OSBPL9: variants seen among roughly 807,000 people sequenced by gnomAD.
The protein encoded by OSBPL9 is oxysterol-binding protein-related protein 9.
A neutral mutation model predicts 106.6 loss-of-function variants in OSBPL9; 40 were observed. The ratio of observed to expected loss-of-function variants is 0.38; its 90% confidence interval spans 0.29 to 0.49. The LOEUF (loss-of-function observed/expected upper bound fraction) is 0.49. Ranked by LOEUF, OSBPL9 falls within the 20% of genes least tolerant of loss-of-function variation. OSBPL9 has a pLI of 0.97. For missense variants in OSBPL9, 609 were observed against 887.2 expected, an observed-to-expected ratio of 0.69 and a Z score of 3.98; for synonymous variants, 269 against 295.4, an observed-to-expected ratio of 0.91 and a Z score of 0.92.
intron 3 of OSBPL9, among the ~76,000 whole-genome samples, chr1:51,710,224 T>C (rs1343523421): frequency 6.6e-6 from 1 of 152,188 alleles, no homozygotes; most frequent in Non-Finnish European, 1.5e-5. Context: ...GTCCAGATGC[T>C]TATAGGACCT....
the OSBPL9 span, among the ~76,000 whole-genome samples, chr1:51,548,576 G>A: frequency 6.6e-6 from 1 of 151,630 alleles, no homozygotes; most frequent in African/African-American, 2.4e-5. Flanking sequence ...TTTTCGTGGG[G>A]ATGGAGTTCC....
intron 4 of OSBPL9, among the ~76,000 whole-genome samples, chr1:51,734,274 A>G (rs1249412474): frequency 6.6e-6 from 1 of 152,154 alleles, no homozygotes; most frequent in Non-Finnish European, 1.5e-5. Context: ...TTTTCCCAAA[A>G]TGTGCCACTT....
chr1:51,556,828 T>C, the OSBPL9 span, among the ~76,000 whole-genome samples: 3 of 149,426 alleles, frequency 2.0e-5, no homozygotes, highest in Non-Finnish European at 4.4e-5. Context: ...TATATATGTG[T>C]ATATATATAC....
chr1:51,752,499 C>T (rs1020003474), intron 8 of OSBPL9: 2 of 455,916 alleles, frequency 4.4e-6, no homozygotes, highest in African/African-American at 4.0e-5. Flanking sequence ...ACTGTCTACC[C>T]TAGAGTACAA....
chr1:51,696,582 A>G (rs1656060691), intron 3 of OSBPL9, among the ~76,000 whole-genome samples: 1 of 152,200 alleles, frequency 6.6e-6, no homozygotes. Flanking sequence ...CCTCCGTAAT[A>G]TATAACCAGA....
At chr1:51,525,984 C>T in the OSBPL9 span, among the ~76,000 whole-genome samples, 13 of 152,244 alleles carry the variant, frequency 8.5e-5, no homozygotes, top group East Asian at 2.1e-3. Flanking sequence ...TCAGTTGATC[C>T]TCCTACCTCA....
chr1:51,745,541 G>A lies in OSBPL9; in HGVS notation c.324G>A (p.Leu108=), dbSNP rs1204279882. The A allele has an allele frequency of 2.5e-6, 4 of 1,611,056 alleles. No homozygotes were observed. The highest frequency in any genetic ancestry group is 3.4e-6 in the Non-Finnish European group (4 of 1,178,728). ...ILRHTLQLQG[L]DSGFVPSVQD... ...TGCAAATTCTCTTTCTCTAGGGTTT[G>A]GATTCAGGATTTGTTCCTAGTGTCC... Residue 108 remains leucine (L), a synonymous_variant, in exon 5 of 24, where the codon TTG becomes TTA. Coordinates refer to ENST00000428468, the MANE Select transcript of OSBPL9 (RefSeq NM_024586.6).
the OSBPL9 span, among the ~76,000 whole-genome samples, chr1:51,571,458 G>T: frequency 6.6e-6 from 1 of 152,236 alleles, no homozygotes; most frequent in Middle Eastern, 3.4e-3. Flanking sequence ...TTGAGGCCAG[G>T]AGTTTAAGAC....
chr1:51,780,512 A>G (rs1676118185), intron 15 of OSBPL9, among the ~76,000 whole-genome samples: 1 of 152,226 alleles, frequency 6.6e-6, no homozygotes, highest in African/African-American at 2.4e-5. Flanking sequence ...TGGCATATAT[A>G]TACTGTGGAA....
chr1:51,783,092 A>G (rs1676772998), intron 17 of OSBPL9, among the ~76,000 whole-genome samples: 1 of 152,202 alleles, frequency 6.6e-6, no homozygotes, highest in Non-Finnish European at 1.5e-5. Context: ...TACTTGAGTC[A>G]TCTCTAGATT....
At chr1:51,711,942 C>T (rs1660090397) in intron 3 of OSBPL9, among the ~76,000 whole-genome samples, 1 of 151,572 alleles carries the variant, frequency 6.6e-6, no homozygotes, top group Non-Finnish European at 1.5e-5. Context: ...GGCAGCCAGG[C>T]AGAGGGGCTC....
intron 1 of OSBPL9, among the ~76,000 whole-genome samples, chr1:51,580,890 C>A (rs1645216159): frequency 1.3e-5 from 1 of 78,338 alleles, no homozygotes; most frequent in African/African-American, 4.6e-5. Context: ...TCCTTCTAGC[C>A]ATTATATATA....
intron 4 of OSBPL9, chr1:51,730,260 G>A (rs1347892015): frequency 4.1e-5 from 35 of 844,112 alleles, no homozygotes; most frequent in Non-Finnish European, 5.5e-5. Flanking sequence ...AGACTTTGGA[G>A]GAGGTCTCTT....
At chr1:51,731,271 C>G (rs575854004) in intron 4 of OSBPL9, among the ~76,000 whole-genome samples, 3 of 151,352 alleles carry the variant, frequency 2.0e-5, no homozygotes, top group Non-Finnish European at 4.4e-5. Context: ...ACCTTCCCCC[C>G]GCCCCTGCCC....
intron 1 of OSBPL9, among the ~76,000 whole-genome samples, chr1:51,635,379 A>G (rs1645365957): frequency 6.6e-6 from 1 of 152,172 alleles, no homozygotes; most frequent in South Asian, 2.1e-4. Context: ...GAGGTCTCAG[A>G]AAAAGGTGTT....
At chr1:51,525,820 G>A in the OSBPL9 span, among the ~76,000 whole-genome samples, 1 of 152,120 alleles carries the variant, frequency 6.6e-6, no homozygotes, top group Non-Finnish European at 1.5e-5. Flanking sequence ...CACGATCATG[G>A]CTCACTGTAG....
rs139072045 is a variant in OSBPL9 at position 51,662,742 on chromosome 1, A to ATTT, written c.163-6674_163-6672dup. On this transcript the variant is annotated intron_variant, in intron 2 of 23. Transcript: ENST00000428468. ...AAAGTCATTATATAAAAATCAACGA[A>ATTT]TTTTTTTTTTTTTTTTTTTTGAGAC... Among the ~76,000 whole-genome samples the ATTT allele has an allele frequency of 4.4e-4, 58 of 131,748 alleles. 1 individual carries two copies. Among genetic ancestry groups the ATTT allele is most frequent in the African/African-American group, 1.5e-3 (51 of 33,714 alleles). 86.4% of individuals were successfully genotyped at this position (131,748 alleles called of 152,430 possible).
At chr1:51,738,642 T>G (rs989016732) in intron 4 of OSBPL9, among the ~76,000 whole-genome samples, 7 of 152,036 alleles carry the variant, frequency 4.6e-5, no homozygotes, top group Admixed American at 1.3e-4. Context: ...GTTATTCATT[T>G]CTTTTTTATT....
intron 17 of OSBPL9, among the ~76,000 whole-genome samples, chr1:51,783,433 G>A (rs139226303): frequency 6.7e-5 from 10 of 149,688 alleles, no homozygotes; most frequent in African/African-American, 2.0e-4. Context: ...TGATCCTCCC[G>A]TCTTGGCCTC....
Sources: gnomAD v4.1 joint callset for allele counts (sites outside exome capture counted in the v4.1 genomes callset) on GRCh38, gnomAD v4.1.1 for gene constraint, MANE v1.5 for transcripts, NCBI Gene and HGNC (gene_info 2026-07-23, HGNC 2026-07-21) for gene names.